The following MND1 variants were observed in gnomAD, a reference collection of about 807,000 sequenced individuals.
MND1 encodes meiotic nuclear division protein 1 homolog.
MND1 carries 28 observed loss-of-function variants against 35.1 expected under a neutral mutation model. That is an observed-to-expected ratio of 0.80 (90% CI 0.59 to 1.09). The LOEUF is 1.09. Among genes scored for constraint, MND1 ranks in the 50% least tolerant of loss-of-function variants. MND1 has a pLI of 0.00. For missense variants in MND1, 213 were observed against 239.6 expected (o/e 0.89, Z 0.73); for synonymous variants, 69 against 70.5 (o/e 0.98, Z 0.11).
intron 4 of MND1, among the ~76,000 whole-genome samples, chr4:153,384,374 A>T (rs1336172424): frequency 7.6e-6 from 1 of 131,136 alleles, no homozygotes; most frequent in South Asian, 2.4e-4. Flanking sequence ...GGCTCAAGTG[A>T]TCCTCATTCC....
intron 4 of MND1, among the ~76,000 whole-genome samples, chr4:153,385,552 C>T (rs531649001): frequency 1.3e-4 from 20 of 151,822 alleles, no homozygotes; most frequent in African/African-American, 4.1e-4. Flanking sequence ...ACTGCCTCTA[C>T]GAAAAATACA....
chr4:153,358,397 T>A, intron 3 of MND1, 77 bp from the exon 4 acceptor site: 1 of 1,264,748 alleles, frequency 7.9e-7, no homozygotes, highest in Non-Finnish European at 1.1e-6. Context: ...GTTTTGCAAG[T>A]GTTTCCCCAG....
chr4:153,386,825 C>T (rs1168017938), intron 4 of MND1, among the ~76,000 whole-genome samples: 1 of 152,122 alleles, frequency 6.6e-6, no homozygotes, highest in East Asian at 1.9e-4. Context: ...GTATAATCCC[C>T]TACATGTTTT....
chr4:153,365,437 T>C (rs1029987369), intron 4 of MND1, among the ~76,000 whole-genome samples: 1 of 152,224 alleles, frequency 6.6e-6, no homozygotes, highest in Admixed American at 6.5e-5. Context: ...TGTTAGATAC[T>C]GTTCTAGGCA....
At chr4:153,404,519 T>A (rs2149657870) in intron 6 of MND1, among the ~76,000 whole-genome samples, 1 of 144,370 alleles carries the variant, frequency 6.9e-6, no homozygotes, top group South Asian at 2.2e-4. Flanking sequence ...GTTTCAGTCT[T>A]GTGGGAGTGC....
chr4:153,371,770 C>A (rs188782187), intron 4 of MND1, among the ~76,000 whole-genome samples: 14 of 152,150 alleles, frequency 9.2e-5, no homozygotes, highest in African/African-American at 3.1e-4. Context: ...CTTTTAATTT[C>A]TTTCAGGAAC....
intron 1 of MND1, among the ~76,000 whole-genome samples, chr4:153,346,081 A>G (rs561282645): frequency 2.6e-5 from 4 of 152,310 alleles, no homozygotes; most frequent in South Asian, 2.1e-4. Context: ...TGGACTTCCT[A>G]TTTTTTAATA....
chr4:153,350,958 A>AAAAC (rs78619755), intron 2 of MND1, among the ~76,000 whole-genome samples: 1 of 151,508 alleles, frequency 6.6e-6, no homozygotes, highest in Non-Finnish European at 1.5e-5. Context: ...TAGTAAAAAA[A>AAAAC]AAAAAAAAAA....
At chr4:153,400,827 A>G (rs1335098870) in intron 6 of MND1, among the ~76,000 whole-genome samples, 2 of 152,246 alleles carry the variant, frequency 1.3e-5, no homozygotes, top group East Asian at 1.9e-4. Context: ...AGAATACTCC[A>G]TCAGTCAAAA....
intron 4 of MND1, among the ~76,000 whole-genome samples, chr4:153,375,331 C>G (rs190324983): frequency 6.6e-6 from 1 of 152,066 alleles, no homozygotes; most frequent in Non-Finnish European, 1.5e-5. Flanking sequence ...GCATGAAGTA[C>G]GTATTGCTGC....
intron 4 of MND1, among the ~76,000 whole-genome samples, chr4:153,368,066 G>A (rs559542097): frequency 5.9e-5 from 9 of 152,200 alleles, no homozygotes; most frequent in East Asian, 3.9e-4. Flanking sequence ...AGGAAACAAC[G>A]TGCATATTCA....
chr4:153,363,488 A>G (rs938374045), intron 4 of MND1, among the ~76,000 whole-genome samples: 1 of 152,200 alleles, frequency 6.6e-6, no homozygotes, highest in African/African-American at 2.4e-5. Flanking sequence ...CTAGGATTAC[A>G]GGCATGAGCC....
intron 7 of MND1, among the ~76,000 whole-genome samples, chr4:153,409,553 G>C (rs1388680792): frequency 6.6e-6 from 1 of 152,078 alleles, no homozygotes; most frequent in Non-Finnish European, 1.5e-5. Flanking sequence ...TCAGACAGCA[G>C]AACAGGAATT....
At chr4:153,392,189 C>T (rs1379170786) in intron 4 of MND1, among the ~76,000 whole-genome samples, 2 of 151,722 alleles carry the variant, frequency 1.3e-5, no homozygotes, top group African/African-American at 4.8e-5. Flanking sequence ...GCAAGCTCCA[C>T]CTCCCGGGTT....
chr4:153,411,169 C>A (rs957342018), intron 7 of MND1, among the ~76,000 whole-genome samples: 1 of 151,926 alleles, frequency 6.6e-6, no homozygotes, highest in Non-Finnish European at 1.5e-5. Context: ...TCATATGAAA[C>A]CTTGCTTAAT....
intron 4 of MND1, chr4:153,361,549 G>A (rs778858096): frequency 2.0e-5 from 9 of 456,094 alleles, no homozygotes; most frequent in South Asian, 1.4e-4. Context: ...TCCTATTATA[G>A]AAAATTCTGG....
intron 5 of MND1, among the ~76,000 whole-genome samples, chr4:153,394,891 G>A (rs1005891971): frequency 6.6e-6 from 1 of 152,052 alleles, no homozygotes; most frequent in Non-Finnish European, 1.5e-5. Context: ...TATTAGGTTA[G>A]AGATTTTAAA....
chr4:153,375,385 GAAT>G (rs1223589230), intron 4 of MND1, among the ~76,000 whole-genome samples: 2 of 152,058 alleles, frequency 1.3e-5, no homozygotes, highest in African/African-American at 4.8e-5. Context: ...CTAAGAGATT[GAAT>G]AATTTGCCCA....
chr4:153,405,827 C>A (rs1047857434), intron 6 of MND1, among the ~76,000 whole-genome samples: 1 of 151,974 alleles, frequency 6.6e-6, no homozygotes, highest in Non-Finnish European at 1.5e-5. Flanking sequence ...TTTTTTGAGA[C>A]GGAGTCTCAC....
Sources: allele counts gnomAD v4.1 joint callset (sites outside exome capture counted in the v4.1 genomes callset), GRCh38; gene constraint gnomAD v4.1.1; transcripts MANE v1.5; gene names NCBI Gene and HGNC (gene_info 2026-07-23, HGNC 2026-07-21).